SLC24A4: variants seen among roughly 807,000 people sequenced by gnomAD.
SLC24A4 encodes solute carrier family 24 member 4.
SLC24A4 carries 53 observed loss-of-function variants against 79.0 expected under a neutral mutation model. That is an observed-to-expected ratio of 0.67 (90% CI 0.54 to 0.84). SLC24A4 has a LOEUF of 0.84. Among genes scored for constraint, SLC24A4 ranks in the 40% least tolerant of loss-of-function variants. SLC24A4 has a pLI of 0.00. For missense variants in SLC24A4, 731 were observed against 822.0 expected, an observed-to-expected ratio of 0.89 and a Z score of 1.35; for synonymous variants, 323 against 323.8, an observed-to-expected ratio of 1.00 and a Z score of 0.03.
At chr14:92,451,874 G>A (rs1893159915) in intron 10 of SLC24A4, 1 of 152,486 alleles carries the variant, frequency 6.6e-6, no homozygotes, top group Non-Finnish European at 1.5e-5. Flanking sequence ...CCTTGGTTTG[G>A]AGTGGGGAGA....
chr14:92,428,609 AATG>A (rs1266392745), intron 2 of SLC24A4, among the ~76,000 whole-genome samples: 1 of 152,200 alleles, frequency 6.6e-6, no homozygotes, highest in African/African-American at 2.4e-5. Context: ...ACGGCTGAGG[AATG>A]ATGTTCAGTT....
At chr14:92,486,625 C>A (rs745624978) in intron 13 of SLC24A4, 41 bp from the exon 14 acceptor site, 1 of 1,270,138 alleles carries the variant, frequency 7.9e-7, no homozygotes, top group Non-Finnish European at 1.2e-6. Context: ...AGTCCACACA[C>A]TGTTGGTTGA....
At chr14:92,373,617 G>A (rs940759452) in intron 2 of SLC24A4, among the ~76,000 whole-genome samples, 1 of 152,202 alleles carries the variant, frequency 6.6e-6, no homozygotes, top group African/African-American at 2.4e-5. Context: ...TGAGGGGAAA[G>A]TTTTGGAAAT....
intron 2 of SLC24A4, among the ~76,000 whole-genome samples, chr14:92,340,448 T>A (rs1260495288): frequency 6.6e-6 from 1 of 152,210 alleles, no homozygotes; most frequent in Non-Finnish European, 1.5e-5. Context: ...TTGCTGGCAG[T>A]GGACTTGGTG....
intron 1 of SLC24A4, among the ~76,000 whole-genome samples, chr14:92,324,776 A>G (rs1008343274): frequency 6.6e-6 from 1 of 152,230 alleles, no homozygotes; most frequent in East Asian, 1.9e-4. Context: ...TTTTAAATGT[A>G]AAAAGACAAA....
At chr14:92,392,126 C>T (rs1225232655) in intron 2 of SLC24A4, among the ~76,000 whole-genome samples, 38 of 151,868 alleles carry the variant, frequency 2.5e-4, no homozygotes, top group Admixed American at 2.5e-3. Flanking sequence ...ATTGATGTTA[C>T]TGACCCATGT....
intron 12 of SLC24A4, among the ~76,000 whole-genome samples, chr14:92,480,150 T>TC (rs1894976366): frequency 1.3e-5 from 2 of 151,278 alleles, no homozygotes; most frequent in Non-Finnish European, 2.9e-5. Flanking sequence ...TTGTATTTTT[T>TC]TTTATTTTCT....
intron 2 of SLC24A4, among the ~76,000 whole-genome samples, chr14:92,372,685 G>A (rs905243630): frequency 6.6e-6 from 1 of 152,102 alleles, no homozygotes; most frequent in Non-Finnish European, 1.5e-5. Context: ...GATCTAGCTC[G>A]AGTTTGGCCC....
chr14:92,355,620 G>A (rs1887137238), intron 2 of SLC24A4, among the ~76,000 whole-genome samples: 1 of 152,164 alleles, frequency 6.6e-6, no homozygotes, highest in Non-Finnish European at 1.5e-5. Flanking sequence ...TTTGTCTGGG[G>A]ACGAGCAAAG....
At chr14:92,467,024 C>T (rs576528724) in intron 12 of SLC24A4, among the ~76,000 whole-genome samples, 1 of 152,332 alleles carries the variant, frequency 6.6e-6, no homozygotes, top group South Asian at 2.1e-4. Context: ...CATTCATAAT[C>T]CAGCCTTGAT....
intron 12 of SLC24A4, among the ~76,000 whole-genome samples, chr14:92,479,120 T>C (rs775486869): frequency 3.9e-5 from 6 of 152,222 alleles, no homozygotes; most frequent in Non-Finnish European, 8.8e-5. Context: ...ATATACAAGA[T>C]CATGTCATCT....
intron 2 of SLC24A4, among the ~76,000 whole-genome samples, chr14:92,363,582 A>C (rs1453069764): frequency 2.0e-5 from 3 of 152,204 alleles, no homozygotes; most frequent in Non-Finnish European, 4.4e-5. Context: ...CTGTAATCCC[A>C]GCATTTTGGG....
In SLC24A4 at chr14:92,499,256, C is replaced by T. The variant is rs377630598; in HGVS notation, c.*5628C>T. ...TATGAATCTTCCTCCTGCTTCTAAA[C>T]AGGGCTGACAGTATACTCTCGTCTA... On this transcript the variant is annotated 3_prime_UTR_variant, in exon 17 of 17. Transcript: ENST00000532405. 1 of 152,230 alleles carries T rather than the reference C, an allele frequency of 6.6e-6. No homozygotes were observed. The highest frequency in any genetic ancestry group is 2.4e-5 in the African/African-American group (1 of 41,440). The allele number at this position is 152,230 out of a possible 1,614,324, so 9.4% of individuals were successfully genotyped here. A position where few individuals can be genotyped will look rare whatever the true frequency, so the allele number is the denominator to read the frequency against.
At chr14:92,479,515 T>C (rs1187688124) in intron 12 of SLC24A4, among the ~76,000 whole-genome samples, 3 of 152,242 alleles carry the variant, frequency 2.0e-5, no homozygotes, top group African/African-American at 7.2e-5. Flanking sequence ...ATTGATTGAA[T>C]TGTATATGTT....
At chr14:92,328,562 C>T (rs1301247971) in intron 2 of SLC24A4, among the ~76,000 whole-genome samples, 1 of 152,224 alleles carries the variant, frequency 6.6e-6, no homozygotes. Context: ...CAGTAACTGG[C>T]AGTGTGAGAT....
At chr14:92,483,574 G>A (rs1197117210) in intron 13 of SLC24A4, among the ~76,000 whole-genome samples, 1 of 152,178 alleles carries the variant, frequency 6.6e-6, no homozygotes, top group Non-Finnish European at 1.5e-5. Context: ...AGGCATTGGT[G>A]TAGCTCCTCA....
At chr14:92,336,673 G>C (rs1436585971) in intron 2 of SLC24A4, among the ~76,000 whole-genome samples, 1 of 152,228 alleles carries the variant, frequency 6.6e-6, no homozygotes, top group Non-Finnish European at 1.5e-5. Flanking sequence ...TGAGCATGGG[G>C]AAGACAGGCC....
chr14:92,390,913 T>C (rs1275449148), intron 2 of SLC24A4, among the ~76,000 whole-genome samples: 4 of 152,218 alleles, frequency 2.6e-5, no homozygotes, highest in African/African-American at 9.7e-5. Flanking sequence ...CACTGCAGCA[T>C]GTGTTCCTGG....
At chr14:92,491,091 G>C (rs1232860253) in intron 14 of SLC24A4, among the ~76,000 whole-genome samples, 1 of 152,204 alleles carries the variant, frequency 6.6e-6, no homozygotes, top group Non-Finnish European at 1.5e-5. Flanking sequence ...GGCATGCTGA[G>C]CTGAACACCA....
Sources: allele counts gnomAD v4.1 joint callset (sites outside exome capture counted in the v4.1 genomes callset), GRCh38; gene constraint gnomAD v4.1.1; transcripts MANE v1.5; gene names NCBI Gene and HGNC (gene_info 2026-07-23, HGNC 2026-07-21).